Variants in LNX1 observed in about 807,000 individuals in gnomAD.
LNX1 encodes the protein E3 ubiquitin-protein ligase LNX.
LNX1 carries 54 observed loss-of-function variants against 68.4 expected under a neutral mutation model. The observed-to-expected ratio is 0.79, with a 90% confidence interval of 0.63 to 0.99. The LOEUF is 0.99. Among genes scored for constraint, LNX1 ranks in the 50% least tolerant of loss-of-function variants. The probability of loss-of-function intolerance (pLI) is 0.00; values close to 1 mark genes in which losing one functional copy is unlikely to be tolerated. For missense variants in LNX1, 906 were observed against 926.4 expected, an observed-to-expected ratio of 0.98 and a Z score of 0.29; for synonymous variants, 336 against 350.0, an observed-to-expected ratio of 0.96 and a Z score of 0.45.
At chr4:53,633,544 T>C (rs948932807) in intron 1 of LNX1, among the ~76,000 whole-genome samples, 2 of 152,182 alleles carry the variant, frequency 1.3e-5, no homozygotes, top group Non-Finnish European at 2.9e-5. Context: ...CATGAGTTTA[T>C]CAGTTTTTGC....
intron 1 of LNX1, among the ~76,000 whole-genome samples, chr4:53,627,563 T>G (rs1273792555): frequency 6.6e-6 from 1 of 152,090 alleles, no homozygotes; most frequent in Non-Finnish European, 1.5e-5. Context: ...GCCCCCTAAC[T>G]CTAATAAAGT....
chr4:53,481,541 G>A (rs1051131696), intron 7 of LNX1, among the ~76,000 whole-genome samples, 179 bp downstream of exon 7: 1 of 152,168 alleles, frequency 6.6e-6, no homozygotes, highest in African/African-American at 2.4e-5. Flanking sequence ...CTGCTTGGAT[G>A]GGAGACACCT....
In LNX1 at chr4:53,570,824, G is replaced by A. The variant is rs558442873; in HGVS notation, c.380+2799C>T. Among the ~76,000 whole-genome samples, 476 of 151,294 alleles carry A rather than the reference G, an allele frequency of 3.1e-3. 1 individual carries two copies. The highest frequency in any genetic ancestry group is 0.014 in the Middle Eastern group (4 of 290). On this transcript the variant is annotated intron_variant, in intron 2 of 10. Transcript: ENST00000263925. ...GGGCGGATCACGAGGTCAGGAGATCGAGACCATCCTGGCTAACACAGTGAA... is the reference window on the plus strand; with the variant it reads ...GGGCGGATCACGAGGTCAGGAGATCAAGACCATCCTGGCTAACACAGTGAA...
At chr4:53,464,757 C>G (rs1722539115) in intron 9 of LNX1, among the ~76,000 whole-genome samples, 1 of 147,216 alleles carries the variant, frequency 6.8e-6, no homozygotes, top group African/African-American at 2.5e-5. Context: ...TAGAAATGTT[C>G]AGGAGAACAG....
At chr4:53,515,655 C>T (rs1454538152) in intron 2 of LNX1, among the ~76,000 whole-genome samples, 1 of 152,066 alleles carries the variant, frequency 6.6e-6, no homozygotes, top group Non-Finnish European at 1.5e-5. Flanking sequence ...AGGGTAATGA[C>T]CATAACCTTT....
At chr4:53,558,058 C>T in intron 2 of LNX1, 4 of 1,561,502 alleles carry the variant, frequency 2.6e-6, no homozygotes, top group Non-Finnish European at 2.6e-6. Context: ...CCTTGCCATG[C>T]CCCCACAATC....
intron 2 of LNX1, among the ~76,000 whole-genome samples, chr4:53,511,645 T>C (rs1230452687): frequency 6.6e-6 from 1 of 152,308 alleles, no homozygotes; most frequent in South Asian, 2.1e-4. Flanking sequence ...AGAATGTTAA[T>C]ACTCAATGCC....
chr4:53,472,859 A>T (rs1239158484), intron 9 of LNX1, among the ~76,000 whole-genome samples: 2 of 152,080 alleles, frequency 1.3e-5, no homozygotes, highest in Non-Finnish European at 2.9e-5. Flanking sequence ...GAGAGTTGTT[A>T]TATTGTGCTG....
intron 1 of LNX1, among the ~76,000 whole-genome samples, chr4:53,649,193 AT>A (rs1306161283): frequency 6.6e-6 from 1 of 152,196 alleles, no homozygotes; most frequent in Non-Finnish European, 1.5e-5. Flanking sequence ...AATTCATTAT[AT>A]TTTGGGGTGC....
At chr4:53,561,133 G>T (rs573991424) in intron 2 of LNX1, among the ~76,000 whole-genome samples, 19 of 152,286 alleles carry the variant, frequency 1.2e-4, no homozygotes, top group African/African-American at 4.3e-4. Context: ...AAGGATGTAT[G>T]TCAAAGCACA....
intron 1 of LNX1, among the ~76,000 whole-genome samples, chr4:53,586,265 T>C (rs1732166165): frequency 6.6e-6 from 1 of 152,168 alleles, no homozygotes; most frequent in Admixed American, 6.5e-5. Flanking sequence ...CATGCGAGTA[T>C]GCAGGAGCCT....
At chr4:53,481,927 A>G in intron 6 of LNX1, 73 bp from the exon 7 acceptor site, 1 of 1,452,104 alleles carries the variant, frequency 6.9e-7, no homozygotes. Flanking sequence ...AGCTTACAAA[A>G]ACATCACTTT....
At chr4:53,628,701 A>C (rs1465374851) in intron 1 of LNX1, among the ~76,000 whole-genome samples, 1 of 152,232 alleles carries the variant, frequency 6.6e-6, no homozygotes. Context: ...CACAATTCAC[A>C]ATTGCAGAGA....
At position 53,459,478 on chromosome 4, in the gene LNX1, G is replaced by C. The variant is rs773487329; in HGVS notation, c.*1429C>G. 6.2e-7 allele frequency: 1 copy of C among 1,612,780 alleles called. No homozygotes were observed. The highest frequency in any genetic ancestry group is 1.1e-5 in the South Asian group (1 of 91,046). On this transcript the variant is annotated 3_prime_UTR_variant, in exon 11 of 11. Transcript: ENST00000263925. ...TGGTTTTGGCCTTTTGTGTATATTA[G>C]TACCAGAAGTAGATACTATAAATCT...
chr4:53,549,318 A>G (rs1729335611), intron 2 of LNX1: 1 of 152,160 alleles, frequency 6.6e-6, no homozygotes, highest in Non-Finnish European at 1.5e-5. Context: ...CAACTTGGAC[A>G]GTAAATTAAA....
intron 9 of LNX1, among the ~76,000 whole-genome samples, chr4:53,471,152 A>G (rs1461253025): frequency 1.3e-5 from 2 of 148,930 alleles, no homozygotes; most frequent in African/African-American, 5.0e-5. Context: ...GATATAGACC[A>G]ATGGAACAGA....
chr4:53,478,972 A>G (rs1381330152), intron 7 of LNX1, among the ~76,000 whole-genome samples: 1 of 152,230 alleles, frequency 6.6e-6, no homozygotes, highest in Non-Finnish European at 1.5e-5. Flanking sequence ...CATTGTCCCA[A>G]ATTCTACAGG....
intron 1 of LNX1, among the ~76,000 whole-genome samples, chr4:53,636,971 G>A (rs1482114521): frequency 7.1e-6 from 1 of 140,254 alleles, no homozygotes; most frequent in African/African-American, 2.5e-5. Flanking sequence ...AAGCAAAAAT[G>A]GCAACTGAGA....
intron 1 of LNX1, among the ~76,000 whole-genome samples, chr4:53,583,233 A>G (rs1731946162): frequency 6.6e-6 from 1 of 152,226 alleles, no homozygotes; most frequent in Non-Finnish European, 1.5e-5. Flanking sequence ...CTTAGCTTAC[A>G]GACTCTCATG....
Sources: gnomAD v4.1 joint callset for allele counts (sites outside exome capture counted in the v4.1 genomes callset) on GRCh38, gnomAD v4.1.1 for gene constraint, MANE v1.5 for transcripts, NCBI Gene and HGNC (gene_info 2026-07-23, HGNC 2026-07-21) for gene names.